Variants in JAG2 observed in about 807,000 individuals in gnomAD.
JAG2 encodes the protein protein jagged-2.
In JAG2, 46 loss-of-function variants were observed where a neutral mutation model predicts 141.7. The observed-to-expected ratio is 0.32, with a 90% CI of 0.26 to 0.42. The LOEUF (loss-of-function observed/expected upper bound fraction) is 0.42, where lower values mean the gene tolerates loss of function less well. JAG2 is among the 10% of genes least tolerant of loss of function. The pLI is 1.00. For missense variants in JAG2, 1,500 were observed against 1,817.5 expected (o/e 0.83, Z 3.18); for synonymous variants, 862 against 763.5 (o/e 1.13, Z -2.13).
chr14:105,167,662 G>A lies in JAG2; in HGVS notation c.417+95C>T, dbSNP rs919567316. 1.4e-5 allele frequency: 17 copies of A among 1,231,286 alleles called. No individual in the cohort carries two copies. The Admixed American group carries it at 1.8e-4, about 13-fold the overall frequency. 76.3% of individuals were successfully genotyped at this position (1,231,286 alleles called of 1,614,324 possible). On this transcript the variant is annotated intron_variant, in intron 2 of 25. Transcript: ENST00000331782. The surrounding 1 kb of genome is among the most constrained non-coding windows in gnomAD (Gnocchi z 4.8). ...CCTGGGCGCGCGCGGCTCGCACGCAGACCCGGCCGCAGGTGTTGGGGGTCG... is the reference window on the plus strand; with the variant it reads ...CCTGGGCGCGCGCGGCTCGCACGCAAACCCGGCCGCAGGTGTTGGGGGTCG...
chr14:105,162,339 C>T (rs1470809640), intron 2 of JAG2, among the ~76,000 whole-genome samples: 2 of 151,984 alleles, frequency 1.3e-5, no homozygotes, highest in Non-Finnish European at 2.9e-5. Context: ...CATCTGATTG[C>T]CTCCTCCCCA....
In JAG2 at chr14:105,154,106, C is replaced by T. The variant is rs1392972049; in HGVS notation, c.788+1456G>A. Among the ~76,000 whole-genome samples, 2 of 152,152 alleles carry T rather than the reference C, an allele frequency of 1.3e-5. No homozygotes were observed. Among genetic ancestry groups the T allele is most frequent in the Non-Finnish European group, 2.9e-5 (2 of 68,010 alleles). ...CACTGTACCCTCCAGGCCACTCAACCGTGGGGCCTGTGGAAGGGTCACCCA... is the reference window on the plus strand; with the variant it reads ...CACTGTACCCTCCAGGCCACTCAACTGTGGGGCCTGTGGAAGGGTCACCCA... On this transcript the variant is annotated intron_variant, in intron 5 of 25. Coordinates refer to ENST00000331782, the MANE Select transcript of JAG2 (RefSeq NM_002226.5). This position sits in a 1 kb window ranked among gnomAD's most constrained non-coding sequence, Gnocchi z 4.4.
chr14:105,147,686 C>CA, intron 18 of JAG2, 86 bp downstream of exon 18: 1 of 1,114,778 alleles, frequency 9.0e-7, no homozygotes, highest in Non-Finnish European at 1.3e-6. Context: ...GAGGGGCTGG[C>CA]AGAAGGGACT....
intron 8 of JAG2, 111 bp from the exon 9 acceptor site, chr14:105,151,507 A>C (rs941105353): frequency 6.0e-6 from 8 of 1,334,340 alleles, no homozygotes; most frequent in Admixed American, 2.0e-5. Flanking sequence ...GTCCTCGCCA[A>C]GCCAGCCGCA....
intron 2 of JAG2, among the ~76,000 whole-genome samples, chr14:105,166,087 GC>G (rs1219792013): frequency 6.6e-6 from 1 of 152,222 alleles, no homozygotes; most frequent in African/African-American, 2.4e-5. Flanking sequence ...CAGGCCGCCT[GC>G]CCCCTCCTGG....
intron 2 of JAG2, among the ~76,000 whole-genome samples, chr14:105,161,889 G>C (rs1888759947): frequency 6.6e-6 from 1 of 152,236 alleles, no homozygotes; most frequent in Non-Finnish European, 1.5e-5. Flanking sequence ...TCTGCGAATA[G>C]CAACCTCTCA....
chr14:105,142,485 T>C lies in JAG2; in HGVS notation c.*210A>G. On this transcript the variant is annotated 3_prime_UTR_variant, in exon 26 of 26. Coordinates refer to ENST00000331782, the MANE Select transcript of JAG2 (RefSeq NM_002226.5). ...GGAAACTTTACAAAAATAGCAACTA[T>C]CCGAGAATACTCCATTGTTTTCAGC... 1.7e-6 allele frequency: 1 copy of C among 576,632 alleles called. No homozygotes were observed. The highest frequency in any genetic ancestry group is 2.2e-5 in the South Asian group (1 of 46,258). 35.7% of individuals were successfully genotyped at this position (576,632 alleles called of 1,614,324 possible).
rs760303713 is a variant in JAG2 at position 105,149,183 on chromosome 14, G to A, written c.1740C>T (p.Gly580=). 37 of 1,303,112 alleles carry A rather than the reference G, an allele frequency of 2.8e-5. No individual in the cohort carries two copies. The highest frequency in any genetic ancestry group is 9.9e-5 in the African/African-American group (5 of 50,444). 80.7% of individuals were successfully genotyped at this position (1,303,112 alleles called of 1,614,324 possible). A position where few individuals can be genotyped will look rare whatever the true frequency, so the allele number is the denominator to read the frequency against. ...CGCACCCAGCACCTCTGCAGGCCCC[G>A]CCAGGGCACGGCTCGCGGGGCACGG... ...NCSVPREPCP[G]GACRVIDGCG... is the part of the protein sequence containing the mutation. Residue 580 remains glycine, a synonymous_variant, in exon 13 of 26, where the codon GGC becomes GGT. Coordinates refer to ENST00000331782, the MANE Select transcript of JAG2 (RefSeq NM_002226.5).
rs587774247 is a variant in JAG2 at position 105,157,584 on chromosome 14, A to C, written c.475+122T>G. The C allele has an allele frequency of 8.3e-5, 83 of 999,074 alleles. No homozygotes were observed. The African/African-American group carries it at 1.2e-3, about 14-fold the overall frequency. The allele number at this position is 999,074 out of a possible 1,614,324, so 61.9% of individuals were successfully genotyped here. A position where few individuals can be genotyped will look rare whatever the true frequency, so the allele number is the denominator to read the frequency against. On this transcript the variant is annotated intron_variant, in intron 3 of 25. Transcript: ENST00000331782. ...TTCCTGGCAGCCAAAGCAAAAAGGG[A>C]AACAGCACACATGATCCTCAGGGTA...
At chr14:105,149,630 G>A (rs1394770322) in intron 12 of JAG2, among the ~76,000 whole-genome samples, 3 of 151,268 alleles carry the variant, frequency 2.0e-5, no homozygotes, top group African/African-American at 7.3e-5. Context: ...CTCACACACT[G>A]CCTGGCCACC....
In JAG2 at chr14:105,157,606, G is replaced by A. The variant is rs1034411487; in HGVS notation, c.475+100C>T. 5 of 1,146,066 alleles carry A rather than the reference G, an allele frequency of 4.4e-6. No homozygotes were observed. In the African/African-American group the frequency reaches 6.1e-5, roughly 14 times the overall value. The allele number at this position is 1,146,066 out of a possible 1,614,324, so 71.0% of individuals were successfully genotyped here. A position where few individuals can be genotyped will look rare whatever the true frequency, so the allele number is the denominator to read the frequency against. On this transcript the variant is annotated intron_variant, in intron 3 of 25. Coordinates refer to ENST00000331782, the MANE Select transcript of JAG2 (RefSeq NM_002226.5). ...GGGAAACAGCACACATGATCCTCAG[G>A]GTAAAGCAAGGCTTTGTCCCAAGCA...
chr14:105,143,408 G>A (rs587698500), intron 25 of JAG2, 74 bp downstream of exon 25: 1 of 1,500,632 alleles, frequency 6.7e-7, no homozygotes, highest in Non-Finnish European at 9.0e-7. Context: ...GGATCGGCAG[G>A]ATCGGCCGGC....
chr14:105,158,720 A>C (rs1218380157), intron 2 of JAG2, among the ~76,000 whole-genome samples: 2 of 151,738 alleles, frequency 1.3e-5, no homozygotes, highest in Non-Finnish European at 2.9e-5. Context: ...TGTGCTCTTG[A>C]CCCCTGAGCC....
In JAG2 at chr14:105,149,053, A is replaced by G. The variant is rs768295543; in HGVS notation, c.1790T>C (p.Met597Thr). The G allele has an allele frequency of 1.2e-6, 2 of 1,609,562 alleles. No individual in the cohort carries two copies. Among genetic ancestry groups the G allele is most frequent in the South Asian group, 2.2e-5 (2 of 90,572 alleles). The change falls in exon 14 of 26, where the codon ATG (methionine) becomes ACG (threonine). Residue 597 changes from methionine to threonine, a missense_variant. This residue lies in a region of JAG2 where 875 missense variants were observed against 1,202.2 expected (regional missense o/e 0.73). Transcript: ENST00000331782. The part of the protein sequence containing the change: ...DGCGSDAGPG[M>T]PGTAASGVCG... ...CACGCCGGAGGCTGCTGTGCCAGGCATCCCAGGCCCCGCGTCTGACCCGCA... is the reference window on the plus strand; with the variant it reads ...CACGCCGGAGGCTGCTGTGCCAGGCGTCCCAGGCCCCGCGTCTGACCCGCA...
chr14:105,164,367 AACAGACCGATG>A (rs1888847965), intron 2 of JAG2, among the ~76,000 whole-genome samples: 1 of 152,150 alleles, frequency 6.6e-6, no homozygotes, highest in Non-Finnish European at 1.5e-5. Flanking sequence ...TGGCAGGAGG[AACAGACCGATG>A]CCCACCCAAC....
intron 2 of JAG2, among the ~76,000 whole-genome samples, chr14:105,166,484 G>A (rs1031375296): frequency 1.6e-4 from 25 of 152,346 alleles, no homozygotes; most frequent in South Asian, 2.1e-4. Context: ...TTTCCATCTG[G>A]GGGACACTTT....
chr14:105,144,839 G>A, intron 24 of JAG2, 91 bp downstream of exon 24: 2 of 1,507,664 alleles, frequency 1.3e-6, no homozygotes, highest in Non-Finnish European at 1.8e-6. Context: ...ACCAGGACTA[G>A]CCTCGCCAGA....
intron 5 of JAG2, among the ~76,000 whole-genome samples, chr14:105,153,028 G>A (rs1222875472): frequency 2.0e-5 from 3 of 151,586 alleles, no homozygotes; most frequent in South Asian, 2.1e-4. Context: ...GGGTGCCTCC[G>A]TCAGGGGAGA....
rs772656608 is a variant in JAG2, at chr14:105,151,108, T to C, written c.1268-4A>G. ...TTCCCTTCACACTCATTGGCGTCTGTGAAAGAGACAAGGTGGGAGCCGTGG... is the reference window on the plus strand; with the variant it reads ...TTCCCTTCACACTCATTGGCGTCTGCGAAAGAGACAAGGTGGGAGCCGTGG... On this transcript the variant is annotated splice_polypyrimidine_tract_variant and splice_region_variant and intron_variant, in intron 9 of 25. Transcript: ENST00000331782. The C allele has an allele frequency of 1.2e-6, 2 of 1,608,372 alleles. No homozygotes were observed. Among genetic ancestry groups the C allele is most frequent in the Non-Finnish European group, 1.7e-6 (2 of 1,177,792 alleles).
Sources: gnomAD v4.1 joint callset for allele counts (sites outside exome capture counted in the v4.1 genomes callset) on GRCh38, gnomAD v4.1.1 for gene constraint, gnomAD v4.1.1 regional missense constraint, Gnocchi (gnomAD v3.1) non-coding constraint, MANE v1.5 for transcripts, NCBI Gene and HGNC (gene_info 2026-07-23, HGNC 2026-07-21) for gene names.